CFAP44: variants seen among roughly 807,000 people sequenced by gnomAD.
CFAP44 encodes cilia and flagella associated protein 44, also known as cilia- and flagella-associated protein 44.
Under a neutral mutation model 216.2 loss-of-function variants are expected in CFAP44, and 134 were observed. The observed-to-expected ratio is 0.62, with a 90% CI of 0.54 to 0.72. The LOEUF (loss-of-function observed/expected upper bound fraction) is 0.72. CFAP44 is among the 30% of genes least tolerant of loss of function. The pLI, the probability that CFAP44 is intolerant of heterozygous loss-of-function variation, is 0.00. For missense variants in CFAP44, 2,035 were observed against 2,182.1 expected (o/e 0.93, Z 1.34); for synonymous variants, 700 against 727.6 (o/e 0.96, Z 0.61).
chr3:113,366,402 A>C lies in CFAP44; in HGVS notation c.2445-93T>G, dbSNP rs1576572842. ...TGACAAGTGGCTAAATTAATAACAAAGTTGTTATGGACTGAATTGTACACC... is the reference window on the plus strand; with the variant it reads ...TGACAAGTGGCTAAATTAATAACAACGTTGTTATGGACTGAATTGTACACC... On this transcript the variant is annotated intron_variant, in intron 18 of 34. Coordinates refer to ENST00000393845, the MANE Select transcript of CFAP44 (RefSeq NM_001164496.2). The C allele has an allele frequency of 4.2e-6, 6 of 1,440,870 alleles. No homozygotes were observed. In the East Asian group the frequency reaches 1.2e-4, roughly 28 times the overall value. The allele number at this position is 1,440,870 out of a possible 1,614,324, so 89.3% of individuals were successfully genotyped here.
Position 113,296,818 on chromosome 3 carries a change from A to C in CFAP44, c.5145T>G (p.Leu1715=). The part of the protein sequence containing the change: ...KFGRVVNLEA[L]QTLSVNTTLE... The stretch of plus-strand genomic sequence containing the variant: ...GTGTTGTATTAACAGAAAGCGTTTG[A>C]AGGGCTTCTAGATTTACCACACGGC... The change falls in exon 33 of 35, where the codon CTT becomes CTG. Residue 1715 remains leucine, a synonymous_variant. Transcript: ENST00000393845. 1 of 1,537,534 alleles carries C rather than the reference A, an allele frequency of 6.5e-7. No homozygotes were observed. Among genetic ancestry groups the C allele is most frequent in the South Asian group, 1.2e-5 (1 of 84,056 alleles).
At chr3:113,409,006 CAAAAAAAAAAAAAAA>C (rs56301009) in intron 7 of CFAP44, 85 bp downstream of exon 7, 4 of 317,686 alleles carry the variant, frequency 1.3e-5, no homozygotes, top group Non-Finnish European at 1.6e-5. Context: ...ACCAAAACAG[CAAAAAAAAAAAAAAA>C]AAAAAAAAGT....
intron 26 of CFAP44, among the ~76,000 whole-genome samples, chr3:113,328,967 A>G (rs748161563): frequency 1.3e-5 from 2 of 152,124 alleles, no homozygotes; most frequent in African/African-American, 2.4e-5. Context: ...CCCTAATCCT[A>G]TCTATCAGTG....
In CFAP44 at chr3:113,330,313, G is replaced by T; in HGVS notation, c.3971C>A (p.Ser1324Tyr). 6.5e-7 allele frequency: 1 copy of T among 1,537,276 alleles called. No individual in the cohort carries two copies. Among genetic ancestry groups the T allele is most frequent in the Non-Finnish European group, 8.7e-7 (1 of 1,146,908 alleles). ...DGDLTTRDSI[S>Y]RSSKASTFSL... ...GAATGTTGATGCCTTTGATGATCTA[G>T]ATATTGAATCACGGGTTGTCAAATC... The change falls in exon 26 of 35, where the codon TCT becomes TAT. Residue 1324 changes from serine to tyrosine, a missense_variant. Ser to Tyr is a moderately radical substitution (Grantham distance 144). Transcript: ENST00000393845.
chr3:113,426,771 G>A (rs543331504), intron 3 of CFAP44: 26 of 208,486 alleles, frequency 1.2e-4, no homozygotes, highest in African/African-American at 5.7e-4. Flanking sequence ...ACTACTACTG[G>A]CTGGAAGATA....
intron 22 of CFAP44, among the ~76,000 whole-genome samples, chr3:113,349,659 G>A (rs1187853536): frequency 6.6e-6 from 1 of 152,156 alleles, no homozygotes; most frequent in Non-Finnish European, 1.5e-5. Context: ...AGGTTCTCTG[G>A]GCCAGAAGCC....
At chr3:113,292,108 C>T (rs971877446) in intron 34 of CFAP44, among the ~76,000 whole-genome samples, 39 of 152,152 alleles carry the variant, frequency 2.6e-4, no homozygotes, top group African/African-American at 8.4e-4. Context: ...GTTTCCTCAT[C>T]GGAGTTATTT....
chr3:113,363,706 G>A (rs1344525946), intron 19 of CFAP44, among the ~76,000 whole-genome samples, 174 bp from the exon 20 acceptor site: 1 of 152,116 alleles, frequency 6.6e-6, no homozygotes, highest in Non-Finnish European at 1.5e-5. Context: ...AAAAAATGCA[G>A]TTTACTAAAC....
rs57355375 is a variant in CFAP44 at position 113,302,772 on chromosome 3, CAAAAAAA to C, written c.5077+1137_5077+1143del. ...TGGGCGATAGAGTGAGACTCCATCT[CAAAAAAA>C]AAAAAAAAAAAAGAAAAAGAAAAGA... On this transcript the variant is annotated intron_variant, in intron 32 of 34. Transcript: ENST00000393845. 6.5e-4 allele frequency among the ~76,000 whole-genome samples: 29 copies of C among 44,516 alleles called. No homozygotes were observed. The East Asian group carries it at 0.012, about 18-fold the overall frequency. 29.2% of individuals were successfully genotyped at this position (44,516 alleles called of 152,430 possible).
rs749492755 is a variant in CFAP44, at chr3:113,407,013, C to T, written c.919G>A (p.Gly307Ser). 3.7e-6 allele frequency: 6 copies of T among 1,613,936 alleles called. No individual in the cohort carries two copies. The highest frequency in any genetic ancestry group is 4.5e-5 in the East Asian group (2 of 44,884). The change falls in exon 8 of 35, where the codon GGT becomes AGT. Residue 307 changes from glycine to serine, a missense_variant. This residue lies in a region of CFAP44 where 1,883 missense variants were observed against 2,023.7 expected (regional missense o/e 0.93). Transcript: ENST00000393845. Reference sequence around the variant, plus strand: ...CCTAGTGATCCCTGCAGCTTGAGACCGGTGAACGTAAAAGCCATTTCCCAG... The same window carrying T: ...CCTAGTGATCCCTGCAGCTTGAGACTGGTGAACGTAAAAGCCATTTCCCAG... ...KFWEMAFTFT[G>S]LKLQGSLGRF...
At chr3:113,433,480 C>G in intron 2 of CFAP44, 85 bp downstream of exon 2, 4 of 347,830 alleles carry the variant, frequency 1.1e-5, no homozygotes, top group East Asian at 1.8e-4. Context: ...ACATCCTGCT[C>G]TTTCCATTCT....
chr3:113,294,223 T>C, intron 34 of CFAP44: 1 of 286,170 alleles, frequency 3.5e-6, no homozygotes, highest in South Asian at 3.4e-5. Flanking sequence ...TTAAGTACAA[T>C]GTTAGGCTGG....
chr3:113,381,808 T>C (rs1933517939), intron 15 of CFAP44, among the ~76,000 whole-genome samples: 1 of 152,222 alleles, frequency 6.6e-6, no homozygotes, highest in African/African-American at 2.4e-5. Context: ...GGGATAAATT[T>C]ATAATAAGAA....
intron 4 of CFAP44, among the ~76,000 whole-genome samples, chr3:113,420,569 C>T (rs888344524): frequency 6.6e-6 from 1 of 152,194 alleles, no homozygotes; most frequent in Non-Finnish European, 1.5e-5. Flanking sequence ...TTATTTTCCT[C>T]TCTCCCACTA....
intron 4 of CFAP44, among the ~76,000 whole-genome samples, chr3:113,421,994 A>AT (rs201747437): frequency 0.029 from 4,349 of 152,272 alleles, 111 homozygotes; most frequent in East Asian, 0.099. Flanking sequence ...AAATAAATAT[A>AT]TTTTTTTAAA....
intron 19 of CFAP44, among the ~76,000 whole-genome samples, chr3:113,363,903 C>G (rs573566746): frequency 6.6e-6 from 1 of 152,096 alleles, no homozygotes; most frequent in African/African-American, 2.4e-5. Context: ...CAGTATATAC[C>G]TTTATCACAT....
At chr3:113,295,310 T>C (rs538701524) in intron 33 of CFAP44, among the ~76,000 whole-genome samples, 1 of 152,364 alleles carries the variant, frequency 6.6e-6, no homozygotes, top group East Asian at 1.9e-4. Context: ...CAAGTGATCC[T>C]CTGCCTAAGC....
intron 8 of CFAP44, among the ~76,000 whole-genome samples, chr3:113,406,264 G>A (rs1934275175): frequency 6.6e-6 from 1 of 152,182 alleles, no homozygotes; most frequent in African/African-American, 2.4e-5. Context: ...ATGCCACATG[G>A]TTGTATATAA....
At chr3:113,399,101 G>A (rs550745863) in intron 13 of CFAP44, among the ~76,000 whole-genome samples, 2 of 152,150 alleles carry the variant, frequency 1.3e-5, no homozygotes, top group East Asian at 3.9e-4. Context: ...CACATGGAGA[G>A]GGTGTTAGGT....
Sources: gnomAD v4.1 joint callset for allele counts (sites outside exome capture counted in the v4.1 genomes callset) on GRCh38, gnomAD v4.1.1 for gene constraint, gnomAD v4.1.1 regional missense constraint, MANE v1.5 for transcripts, NCBI Gene and HGNC (gene_info 2026-07-23, HGNC 2026-07-21) for gene names.